The following RGS3 variants were observed in gnomAD, a reference collection of about 807,000 sequenced individuals.
RGS3 encodes the protein regulator of G-protein signalling 3.
RGS3 carries 80 observed loss-of-function variants against 132.6 expected under a neutral mutation model. The observed-to-expected ratio is 0.60, with a 90% confidence interval of 0.50 to 0.73. The LOEUF is 0.73. Among genes scored for constraint, RGS3 ranks in the 30% least tolerant of loss-of-function variants. The pLI is 0.00. For missense variants in RGS3, 1,382 were observed against 1,530.8 expected, an observed-to-expected ratio of 0.90 and a Z score of 1.62; for synonymous variants, 598 against 620.6, an observed-to-expected ratio of 0.96 and a Z score of 0.54.
chr9:113,522,777 G>C (rs1832017620), intron 16 of RGS3, 153 bp from the exon 15 acceptor site: 1 of 687,354 alleles, frequency 1.5e-6, no homozygotes, highest in African/African-American at 1.8e-5. Context: ...CCTTGGCTGA[G>C]GCTGTACTGA....
intron 18 of RGS3, among the ~76,000 whole-genome samples, chr9:113,534,903 A>G (rs561032107): frequency 6.6e-6 from 1 of 152,042 alleles, no homozygotes; most frequent in African/African-American, 2.4e-5. Flanking sequence ...GATGGGAGCC[A>G]CTGTGACCAG....
At chr9:113,478,283 T>C (rs1174068223) in intron 3 of RGS3, among the ~76,000 whole-genome samples, 2 of 152,130 alleles carry the variant, frequency 1.3e-5, no homozygotes, top group Non-Finnish European at 2.9e-5. Context: ...CTTCTTCCTT[T>C]GTTTCCTCTT....
chr9:113,578,617 A>G (rs1345187515), intron 19 of RGS3, among the ~76,000 whole-genome samples: 2 of 152,152 alleles, frequency 1.3e-5, no homozygotes, highest in Non-Finnish European at 2.9e-5. Context: ...TCAAGAGGCC[A>G]GACCTGGAGG....
rs531647847 is a variant in RGS3 at position 113,577,604 on chromosome 9, G to C, written c.2038-5846G>C. Among the ~76,000 whole-genome samples, 141 of 152,278 alleles carry C rather than the reference G, an allele frequency of 9.3e-4. 2 individuals carry two copies. Among genetic ancestry groups the C allele is most frequent in the African/African-American group, 3.2e-3 (133 of 41,558 alleles). The stretch of plus-strand genomic sequence containing the variant: ...GGGGGTACTGATGGGATATGCAGAA[G>C]GAGGTCTCCATCCATGTCCCTGGGA... On this transcript the variant is annotated intron_variant, in intron 19 of 24. Coordinates refer to ENST00000350696, the Ensembl canonical transcript of RGS3.
At chr9:113,472,206 C>T (rs548355331) in intron 3 of RGS3, among the ~76,000 whole-genome samples, 8 of 152,238 alleles carry the variant, frequency 5.3e-5, no homozygotes, top group African/African-American at 1.2e-4. Flanking sequence ...AAAAGTTTGG[C>T]GGTTCCTCAA....
intron 15 of RGS3, chr9:113,517,332 G>T: frequency 1.5e-6 from 1 of 678,714 alleles, no homozygotes; most frequent in Non-Finnish European, 2.7e-6. Flanking sequence ...GAAGGTGGCA[G>T]CAACAGTTCC....
Position 113,549,319 on chromosome 9 carries a change from G to A in RGS3, c.2037+12401G>A, listed in dbSNP as rs139051562. 3.3e-5 allele frequency among the ~76,000 whole-genome samples: 5 copies of A among 152,354 alleles called. No individual in the cohort carries two copies. The East Asian group carries it at 7.7e-4, about 23-fold the overall frequency. On this transcript the variant is annotated intron_variant, in intron 19 of 24. Transcript: ENST00000350696. ...GGGGATCTGTTGTAATGCCTGGCAT[G>A]CAGTAGGTACTTAATAGTAGCTCTT...
At chr9:113,461,260 G>T (rs959204861) in intron 1 of RGS3, among the ~76,000 whole-genome samples, 1 of 152,168 alleles carries the variant, frequency 6.6e-6, no homozygotes, top group African/African-American at 2.4e-5. Flanking sequence ...CCCAGGGGGT[G>T]CTAGAATGCT....
intron 19 of RGS3, among the ~76,000 whole-genome samples, chr9:113,550,180 T>G (rs1833282126): frequency 6.6e-6 from 1 of 152,162 alleles, no homozygotes; most frequent in Non-Finnish European, 1.5e-5. Flanking sequence ...CTAGCCAACA[T>G]GGTGAAACCC....
Position 113,507,610 on chromosome 9 carries a change from T to C in RGS3, c.1409T>C (p.Ile470Thr). The C allele has an allele frequency of 6.7e-7, 1 of 1,487,460 alleles. No homozygotes were observed. 92.1% of individuals were successfully genotyped at this position (1,487,460 alleles called of 1,614,324 possible). A position where few individuals can be genotyped will look rare whatever the true frequency, so the allele number is the denominator to read the frequency against. ...GCCCCCACCGACCCCAACTACATCATCCTGGCCCCGCTGAATCCTGGGAGC... is the reference window on the plus strand; with the variant it reads ...GCCCCCACCGACCCCAACTACATCACCCTGGCCCCGCTGAATCCTGGGAGC... Residue 470 changes from isoleucine to threonine, a missense_variant, in exon 13 of 25, where the codon ATC becomes ACC. Coordinates refer to ENST00000350696, the Ensembl canonical transcript of RGS3. This position sits in a 1 kb window ranked among gnomAD's most constrained non-coding sequence, Gnocchi z 5.0.
rs554266420 is a variant in RGS3, at chr9:113,591,380, G to A, written c.3063G>A (p.Lys1021=). 3 of 1,613,736 alleles carry A rather than the reference G, an allele frequency of 1.9e-6. No individual in the cohort carries two copies. The East Asian group carries it at 6.7e-5, about 36-fold the overall frequency. ...GGGATGATGACGAAGCCTCCCGGAAGAGAAAGAGCAAAAACCTGTACGTTG... is the reference window on the plus strand; with the variant it reads ...GGGATGATGACGAAGCCTCCCGGAAAAGAAAGAGCAAAAACCTGTACGTTG... The change falls in exon 21 of 25, where the codon AAG becomes AAA. Residue 1021 remains lysine, a synonymous_variant. Coordinates refer to ENST00000350696, the Ensembl canonical transcript of RGS3. This position sits in a 1 kb window ranked among gnomAD's most constrained non-coding sequence, Gnocchi z 4.4.
chr9:113,570,141 T>C (rs1187856708), intron 19 of RGS3: 2 of 152,258 alleles, frequency 1.3e-5, no homozygotes, highest in African/African-American at 4.8e-5. Flanking sequence ...AGCAGTGGTC[T>C]AGCCTCCTCG....
chr9:113,517,168 A>G, intron 15 of RGS3: 1 of 470,698 alleles, frequency 2.1e-6, no homozygotes, highest in Non-Finnish European at 4.2e-6. Flanking sequence ...CCTGTGAGGC[A>G]TGAACAGGAT....
In RGS3 at chr9:113,591,720, C is replaced by CCTTTG. The variant is rs1035039329; in HGVS notation, c.3080+326_3080+330dup. On this transcript the variant is annotated intron_variant, in intron 21 of 24. Transcript: ENST00000350696. This position sits in a 1 kb window ranked among gnomAD's most constrained non-coding sequence, Gnocchi z 4.4. Reference sequence around the variant, plus strand: ...CAGGGACCAAGTGACTTCAACAACTCCTTTGCTCCCTCTGGGCCCAAGAGT... The same window carrying CCTTTG: ...CAGGGACCAAGTGACTTCAACAACTCCTTTGCTTTGCTCCCTCTGGGCCCAAGAGT... 6.4e-6 allele frequency: 2 copies of CCTTTG among 314,082 alleles called. No homozygotes were observed. Among genetic ancestry groups the CCTTTG allele is most frequent in the Admixed American group, 3.9e-5 (1 of 25,650 alleles). The allele number at this position is 314,082 out of a possible 1,614,324, so 19.5% of individuals were successfully genotyped here.
intron 19 of RGS3, among the ~76,000 whole-genome samples, chr9:113,566,039 G>A (rs1833993409): frequency 6.6e-6 from 1 of 152,148 alleles, no homozygotes; most frequent in African/African-American, 2.4e-5. Flanking sequence ...AACAAGAAAT[G>A]TTTGGTGGCC....
chr9:113,476,517 G>A (rs1029591727), intron 3 of RGS3, among the ~76,000 whole-genome samples: 14 of 152,204 alleles, frequency 9.2e-5, no homozygotes, highest in African/African-American at 3.4e-4. Flanking sequence ...AGTCTGGTCT[G>A]CTGGGTTTGG....
chr9:113,516,288 G>T (rs1220858877), intron 15 of RGS3, among the ~76,000 whole-genome samples: 3 of 152,096 alleles, frequency 2.0e-5, no homozygotes, highest in African/African-American at 7.2e-5. Context: ...TAGCCTTTCT[G>T]TGGGTCTCTT....
In RGS3 at chr9:113,448,185, C is replaced by T. The variant is rs114243069; in HGVS notation, c.-13+3258C>T. Among the ~76,000 whole-genome samples, 517 of 152,126 alleles carry T rather than the reference C, an allele frequency of 3.4e-3. 2 individuals are homozygous for T. The highest frequency in any genetic ancestry group is 0.012 in the African/African-American group (481 of 41,508). ...ACCCCTGATCTTTACCCCGACCATC[C>T]ATTCTTCCATCTTTCCACCATGTGA... is the stretch of plus-strand genomic sequence containing the variant. On this transcript the variant is annotated intron_variant, in intron 1 of 25. Coordinates refer to the RGS3 transcript ENST00000374140.
At chr9:113,551,533 A>G (rs898438933) in intron 19 of RGS3, among the ~76,000 whole-genome samples, 1 of 152,152 alleles carries the variant, frequency 6.6e-6, no homozygotes, top group African/African-American at 2.4e-5. Context: ...TAACTTTTTG[A>G]GAAACTACCA....
Sources: gnomAD v4.1 joint callset for allele counts (sites outside exome capture counted in the v4.1 genomes callset) on GRCh38, gnomAD v4.1.1 for gene constraint, Gnocchi (gnomAD v3.1) non-coding constraint, MANE v1.5 for transcripts, NCBI Gene and HGNC (gene_info 2026-07-23, HGNC 2026-07-21) for gene names.